TMEM19: variants seen among roughly 807,000 people sequenced by gnomAD.
TMEM19 encodes transmembrane protein 19.
Under a neutral mutation model 33.6 loss-of-function variants are expected in TMEM19, and 21 were observed. That is an observed-to-expected ratio of 0.62 (90% CI 0.44 to 0.90). The LOEUF (loss-of-function observed/expected upper bound fraction) is 0.90. Among genes scored for constraint, TMEM19 ranks in the 40% least tolerant of loss-of-function variants. The pLI is 0.00. For synonymous variants in TMEM19, 149 were observed against 147.5 expected (o/e 1.01, Z -0.07); for missense variants, 402 against 401.8 (o/e 1.00, Z 0.00).
At chr12:71,690,141 T>C (rs1881760223) in intron 2 of TMEM19, among the ~76,000 whole-genome samples, 1 of 152,176 alleles carries the variant, frequency 6.6e-6, no homozygotes, top group Admixed American at 6.5e-5. Flanking sequence ...GAGAACAGGA[T>C]ATGCATTCAT....
chr12:71,700,757 A>G, intron 5 of TMEM19, 75 bp from the exon 6 acceptor site: 3 of 1,404,892 alleles, frequency 2.1e-6, no homozygotes, highest in Non-Finnish European at 2.8e-6. Flanking sequence ...TAATAAAAAA[A>G]AAAAAAAAGA....
chr12:71,700,916 A>G lies in TMEM19; in HGVS notation c.932A>G (p.Asn311Ser). The G allele has an allele frequency of 1.9e-6, 3 of 1,613,862 alleles. No homozygotes were observed. The highest frequency in any genetic ancestry group is 2.5e-6 in the Non-Finnish European group (3 of 1,179,880). ...GCAGGGAAACCCATTCTTGATAACA[A>G]CGCAGTGAATCTGTTTTCTTCTGTT... ...HIAGKPILDN[N>S]AVNLFSSVLI... is the part of the protein sequence containing the mutation. Residue 311 changes from asparagine (N) to serine (S), a missense_variant, in exon 6 of 6, where the codon AAC (asparagine) becomes AGC (serine). Transcript: ENST00000266673.
In TMEM19 at chr12:71,686,400, C is replaced by A. The variant is rs989422928; in HGVS notation, c.-281C>A. ...TTTCCCCGTGGGCTCCGGCGTGAGG[C>A]GCTGAAGCGGCCGGCAGCCGGCGAC... On this transcript the variant is annotated 5_prime_UTR_variant, in exon 1 of 6. Coordinates refer to ENST00000266673, the MANE Select transcript of TMEM19 (RefSeq NM_018279.4). 12 of 316,450 alleles carry A rather than the reference C, an allele frequency of 3.8e-5. No homozygotes were observed. The highest frequency in any genetic ancestry group is 2.7e-4 in the African/African-American group (12 of 44,080). 19.6% of individuals were successfully genotyped at this position (316,450 alleles called of 1,614,324 possible).
intron 2 of TMEM19, 83 bp downstream of exon 2, chr12:71,689,787 A>G (rs2046094140): frequency 1.1e-6 from 1 of 912,004 alleles, no homozygotes; most frequent in Non-Finnish European, 1.7e-6. Flanking sequence ...AATTCTGAAT[A>G]TATGAGACTG....
intron 2 of TMEM19, among the ~76,000 whole-genome samples, chr12:71,691,605 C>CAAAAAAAAAAAAAAAAAAAAAAAAAAAAA: frequency 2.0e-5 from 1 of 49,514 alleles, no homozygotes; most frequent in African/African-American, 5.0e-5. Flanking sequence ...TTCACCTCTA[C>CAAAAAAAAAAAAAAAAAAAAAAAAAAAAA]AAAAAAAAAA....
chr12:71,699,980 C>T (rs1235215117), intron 5 of TMEM19: 1 of 152,256 alleles, frequency 6.6e-6, no homozygotes, highest in African/African-American at 2.4e-5. Flanking sequence ...TTGCTCCACA[C>T]TCTCATCAAC....
chr12:71,700,068 C>G lies in TMEM19; in HGVS notation c.848-764C>G, dbSNP rs114146976. 3.9e-3 allele frequency among the ~76,000 whole-genome samples: 588 copies of G among 152,248 alleles called. 6 individuals are homozygous for G. The highest frequency in any genetic ancestry group is 0.013 in the African/African-American group (555 of 41,526). On this transcript the variant is annotated intron_variant, in intron 5 of 5. Coordinates refer to ENST00000266673, the MANE Select transcript of TMEM19 (RefSeq NM_018279.4). ...TTCTCTCAGTATAGTCCTCCCAGCA[C>G]TCTTCATGCCTCAGAAAATCTATGT...
Position 71,697,346 on chromosome 12 carries a change from A to G in TMEM19, c.449A>G (p.Tyr150Cys). 1 of 1,612,442 alleles carries G rather than the reference A, an allele frequency of 6.2e-7. No individual in the cohort carries two copies. Among genetic ancestry groups the G allele is most frequent in the Non-Finnish European group, 8.5e-7 (1 of 1,179,464 alleles). The change falls in exon 4 of 6, where the codon TAC becomes TGC. Residue 150 changes from tyrosine (Y) to cysteine (C), a missense_variant. By Grantham distance (194) the Tyr-to-Cys change is radical (BLOSUM62 -2). Transcript: ENST00000266673. ...GAVPTELALL[Y>C]MIENGPGEIP... ...GTACCCACAGAACTGGCCCTGCTGTACATGATAGAAAATGGCCCCGGGGAA... is the reference window on the plus strand; with the variant it reads ...GTACCCACAGAACTGGCCCTGCTGTGCATGATAGAAAATGGCCCCGGGGAA...
chr12:71,696,699 T>A, intron 3 of TMEM19, 126 bp downstream of exon 3: 7 of 799,450 alleles, frequency 8.8e-6, no homozygotes, highest in Non-Finnish European at 1.1e-5. Context: ...CAGGCTGGAG[T>A]GCACTGGCGC....
chr12:71,686,806 T>C lies in TMEM19; in HGVS notation c.126T>C (p.Tyr42=). The C allele has an allele frequency of 1.9e-6, 3 of 1,607,638 alleles. No individual in the cohort carries two copies. Among genetic ancestry groups the C allele is most frequent in the South Asian group, 1.1e-5 (1 of 90,480 alleles). ...FWIISMTAST[Y]YGNLRPISPW... is the part of the protein sequence containing the mutation. ...TTATATCAATGACTGCAAGCACCTA[T>C]TATGGTAAGTCTGAGTGTTCTAAGT... Residue 42 remains tyrosine (Y), a synonymous_variant, in exon 1 of 6, where the codon TAT becomes TAC. Coordinates refer to ENST00000266673, the MANE Select transcript of TMEM19 (RefSeq NM_018279.4).
intron 2 of TMEM19, among the ~76,000 whole-genome samples, chr12:71,691,605 CAAAAAAAAAAAAAAAA>C (rs57138830): frequency 0.01 from 507 of 49,538 alleles, 9 homozygotes; most frequent in African/African-American, 0.022. Flanking sequence ...TTCACCTCTA[CAAAAAAAAAAAAAAAA>C]AAAAAAAAAA....
chr12:71,696,949 C>G (rs1326991623), intron 3 of TMEM19, among the ~76,000 whole-genome samples: 1 of 152,122 alleles, frequency 6.6e-6, no homozygotes, highest in African/African-American at 2.4e-5. Context: ...GCCCAGCCAA[C>G]ATAAGCTTTT....
chr12:71,696,839 G>T (rs192797800), intron 3 of TMEM19, among the ~76,000 whole-genome samples: 1 of 151,924 alleles, frequency 6.6e-6, no homozygotes, highest in Admixed American at 6.6e-5. Context: ...AGTAGAGACG[G>T]GGTTTCACCG....
rs1882022875 is a variant in TMEM19, at chr12:71,703,612, A to G, written c.*2617A>G. On this transcript the variant is annotated 3_prime_UTR_variant, in exon 6 of 6. Transcript: ENST00000266673. ...AAACTTAGGTCTAGCTGTGTTTTGC[A>G]TCAAAATTTTTGAGCTATTCAAAAA... is the stretch of plus-strand genomic sequence containing the variant. 1 of 157,308 alleles carries G rather than the reference A, an allele frequency of 6.4e-6. No homozygotes were observed. The highest frequency in any genetic ancestry group is 2.4e-5 in the African/African-American group (1 of 41,502). The allele number at this position is 157,308 out of a possible 1,614,324, so 9.7% of individuals were successfully genotyped here.
At position 71,686,301 on chromosome 12, in the gene TMEM19, T is replaced by G; in HGVS notation, c.-380T>G. 4.1e-6 allele frequency: 1 copy of G among 242,188 alleles called. No individual in the cohort carries two copies. The highest frequency in any genetic ancestry group is 8.1e-6 in the Non-Finnish European group (1 of 123,614). 15.0% of individuals were successfully genotyped at this position (242,188 alleles called of 1,614,324 possible). On this transcript the variant is annotated 5_prime_UTR_variant, in exon 1 of 6. Coordinates refer to ENST00000266673, the MANE Select transcript of TMEM19 (RefSeq NM_018279.4). ...GCCGCTGGCCTACCCGGCCCGCGGGTGAGAAGGTTGCGACGGGAGGTGGGT... is the reference window on the plus strand; with the variant it reads ...GCCGCTGGCCTACCCGGCCCGCGGGGGAGAAGGTTGCGACGGGAGGTGGGT...
chr12:71,698,856 T>G (rs375156115), intron 4 of TMEM19, 44 bp from the exon 5 acceptor site: 1 of 1,586,136 alleles, frequency 6.3e-7, no homozygotes, highest in Admixed American at 1.7e-5. Flanking sequence ...TTTATGTGTT[T>G]GCTGATTATT....
In TMEM19 at chr12:71,700,969, G is replaced by T; in HGVS notation, c.985G>T (p.Ala329Ser). Residue 329 changes from alanine (A) to serine (S), a missense_variant, in exon 6 of 6, where the codon GCT becomes TCT. Coordinates refer to ENST00000266673, the MANE Select transcript of TMEM19 (RefSeq NM_018279.4). Reference sequence around the variant, plus strand: ...TATTGCCCTCTTGCTCCCAACTGCTGCTTGGGGTTTTTGGCCCAGGGGGTG... The same window carrying T: ...TATTGCCCTCTTGCTCCCAACTGCTTCTTGGGGTTTTTGGCCCAGGGGGTG... ...VLIALLLPTA[A>S]WGFWPRG The T allele has an allele frequency of 6.2e-7, 1 of 1,611,864 alleles. No individual in the cohort carries two copies. The highest frequency in any genetic ancestry group is 2.2e-5 in the East Asian group (1 of 44,760).
In TMEM19 at chr12:71,701,374, G is replaced by A. The variant is rs911064495; in HGVS notation, c.*379G>A. ...AATAAAAGTGATGATATTTAAAATA[G>A]TTCTCAGTTGAAGCAGAGAAATGCC... On this transcript the variant is annotated 3_prime_UTR_variant, in exon 6 of 6. Coordinates refer to ENST00000266673, the MANE Select transcript of TMEM19 (RefSeq NM_018279.4). 3 of 156,714 alleles carry A rather than the reference G, an allele frequency of 1.9e-5. No homozygotes were observed. The highest frequency in any genetic ancestry group is 7.2e-5 in the African/African-American group (3 of 41,524). The allele number at this position is 156,714 out of a possible 1,614,324, so 9.7% of individuals were successfully genotyped here.
intron 4 of TMEM19, among the ~76,000 whole-genome samples, chr12:71,698,607 A>AAGAGAGAGAGAGAGAGAGAG (rs71068787): frequency 8.2e-6 from 1 of 121,232 alleles, no homozygotes; most frequent in Non-Finnish European, 1.7e-5. Flanking sequence ...TGTCTCTGAA[A>AAGAGAGAGAGAGAGAGAGAG]AGAGAGAGAG....
Sources: gnomAD v4.1 joint callset for allele counts (sites outside exome capture counted in the v4.1 genomes callset) on GRCh38, gnomAD v4.1.1 for gene constraint, MANE v1.5 for transcripts, NCBI Gene and HGNC (gene_info 2026-07-23, HGNC 2026-07-21) for gene names.